Variants in TMEM132C observed in about 807,000 individuals in gnomAD.
The protein encoded by TMEM132C is protein phosphatase 1, regulatory subunit 152.
TMEM132C carries 29 observed loss-of-function variants against 61.4 expected under a neutral mutation model. The observed-to-expected ratio is 0.47, with a 90% confidence interval of 0.35 to 0.64. TMEM132C has a LOEUF of 0.64. Among genes scored for constraint, TMEM132C ranks in the 30% least tolerant of loss-of-function variants. The pLI, the probability that TMEM132C is intolerant of heterozygous loss-of-function variation, is 0.00. For synonymous variants in TMEM132C, 656 were observed against 633.1 expected, an observed-to-expected ratio of 1.04 and a Z score of -0.54; for missense variants, 1,408 against 1,476.9, an observed-to-expected ratio of 0.95 and a Z score of 0.76.
intron 1 of TMEM132C, among the ~76,000 whole-genome samples, chr12:128,275,523 A>G (rs556900996): frequency 6.6e-6 from 1 of 152,250 alleles, no homozygotes; most frequent in East Asian, 1.9e-4. Flanking sequence ...TGAGTTATAT[A>G]ATATTTTATT....
intron 1 of TMEM132C, among the ~76,000 whole-genome samples, chr12:128,390,519 C>T (rs1874733512): frequency 6.6e-6 from 1 of 152,134 alleles, no homozygotes; most frequent in Admixed American, 6.5e-5. Flanking sequence ...TGGGGAGCAC[C>T]CAGTCACTCT....
intron 4 of TMEM132C, among the ~76,000 whole-genome samples, chr12:128,668,274 T>A (rs1433612034): frequency 6.6e-6 from 1 of 150,796 alleles, no homozygotes; most frequent in African/African-American, 2.4e-5. Flanking sequence ...AGAATAGGAA[T>A]GGTTGAAGAT....
At chr12:128,647,056 A>G (rs1276406087) in intron 4 of TMEM132C, among the ~76,000 whole-genome samples, 3 of 151,510 alleles carry the variant, frequency 2.0e-5, no homozygotes, top group Non-Finnish European at 4.4e-5. Flanking sequence ...ACTGGAGTGC[A>G]TCAGCGTTGG....
intron 5 of TMEM132C, among the ~76,000 whole-genome samples, chr12:128,683,761 G>A (rs1432479519): frequency 6.6e-6 from 1 of 152,168 alleles, no homozygotes; most frequent in Non-Finnish European, 1.5e-5. Flanking sequence ...GAGGTCAGGA[G>A]TTCGAGACCA....
chr12:128,318,618 C>T (rs1029237792), intron 1 of TMEM132C, among the ~76,000 whole-genome samples: 11 of 152,184 alleles, frequency 7.2e-5, no homozygotes, highest in East Asian at 5.8e-4. Flanking sequence ...CTGCTGAGAT[C>T]GCGTCTGTTG....
rs950091509 is a variant in TMEM132C at position 128,639,709 on chromosome 12, C to T, written c.1305+23374C>T. ...TGCGGTCTTCCAGTAGGCTGACCAA[C>T]CATCCCTGTTCACCTGAAACTGAGG... On this transcript the variant is annotated intron_variant, in intron 4 of 8. Coordinates refer to ENST00000435159, the MANE Select transcript of TMEM132C (RefSeq NM_001136103.3). Among the ~76,000 whole-genome samples, 7 of 152,142 alleles carry T rather than the reference C, an allele frequency of 4.6e-5. No homozygotes were observed. The South Asian group carries it at 6.2e-4, about 13-fold the overall frequency.
chr12:128,463,520 T>C (rs1565943525), intron 2 of TMEM132C, among the ~76,000 whole-genome samples: 1 of 152,130 alleles, frequency 6.6e-6, no homozygotes, highest in African/African-American at 2.4e-5. Flanking sequence ...GGTTTCGTCA[T>C]GTTGGCCAGG....
At chr12:128,537,867 C>T (rs181288914) in intron 2 of TMEM132C, among the ~76,000 whole-genome samples, 73 of 152,282 alleles carry the variant, frequency 4.8e-4, no homozygotes, top group Middle Eastern at 6.8e-3. Flanking sequence ...CAATGGACCA[C>T]AATTATGGTC....
intron 3 of TMEM132C, among the ~76,000 whole-genome samples, chr12:128,557,754 C>G (rs927892636): frequency 6.6e-6 from 1 of 152,214 alleles, no homozygotes; most frequent in Non-Finnish European, 1.5e-5. Flanking sequence ...TATTGAGGCT[C>G]CTTCTCATAT....
intron 4 of TMEM132C, among the ~76,000 whole-genome samples, chr12:128,621,821 A>G (rs1487584950): frequency 2.0e-5 from 3 of 152,162 alleles, no homozygotes; most frequent in Non-Finnish European, 4.4e-5. Flanking sequence ...GCCTTGGGGT[A>G]GAAACAGCTC....
chr12:128,442,696 AAC>A (rs1030871802), intron 2 of TMEM132C, among the ~76,000 whole-genome samples: 6 of 152,110 alleles, frequency 3.9e-5, no homozygotes, highest in Non-Finnish European at 7.4e-5. Flanking sequence ...GTATTTTTTG[AAC>A]ACTTTGAGAT....
chr12:128,337,778 A>G (rs1378088217), intron 1 of TMEM132C, among the ~76,000 whole-genome samples: 1 of 152,154 alleles, frequency 6.6e-6, no homozygotes, highest in African/African-American at 2.4e-5. Flanking sequence ...TCATATTTCA[A>G]ACACTCTCTG....
chr12:128,467,923 G>A (rs1457892214), intron 2 of TMEM132C, among the ~76,000 whole-genome samples: 1 of 152,198 alleles, frequency 6.6e-6, no homozygotes, highest in African/African-American at 2.4e-5. Context: ...ATAGTCCGGT[G>A]GAGGAGAGGG....
intron 1 of TMEM132C, among the ~76,000 whole-genome samples, chr12:128,268,970 G>T (rs1466845765): frequency 9.7e-6 from 1 of 102,794 alleles, no homozygotes; most frequent in African/African-American, 4.0e-5. Context: ...CGAGGGAAAG[G>T]GGGGGCAAGT....
At chr12:128,677,920 G>A (rs558865959) in intron 5 of TMEM132C, among the ~76,000 whole-genome samples, 23 of 152,322 alleles carry the variant, frequency 1.5e-4, no homozygotes, top group African/African-American at 4.3e-4. Flanking sequence ...CGTTAGCTCC[G>A]GCACATGGAG....
intron 5 of TMEM132C, among the ~76,000 whole-genome samples, chr12:128,678,187 G>A (rs1954609058): frequency 6.6e-6 from 1 of 152,184 alleles, no homozygotes; most frequent in South Asian, 2.1e-4. Flanking sequence ...AGGGGCTTTG[G>A]AAGAAACTCT....
At chr12:128,677,632 C>T (rs1255412129) in intron 5 of TMEM132C, among the ~76,000 whole-genome samples, 1 of 152,148 alleles carries the variant, frequency 6.6e-6, no homozygotes, top group African/African-American at 2.4e-5. Context: ...ACACAATACC[C>T]CACCCTGTGC....
intron 2 of TMEM132C, among the ~76,000 whole-genome samples, chr12:128,465,081 G>A (rs971343082): frequency 6.6e-6 from 1 of 152,116 alleles, no homozygotes; most frequent in African/African-American, 2.4e-5. Flanking sequence ...TCCTATGCTT[G>A]TTGGTCTATA....
intron 1 of TMEM132C, among the ~76,000 whole-genome samples, chr12:128,390,333 C>T (rs1030488507): frequency 9.9e-5 from 15 of 152,154 alleles, no homozygotes; most frequent in Non-Finnish European, 1.5e-4. Context: ...CTGGCAGCTC[C>T]GGAGGCAAAT....
Sources: allele counts gnomAD v4.1 joint callset (sites outside exome capture counted in the v4.1 genomes callset), GRCh38; gene constraint gnomAD v4.1.1; transcripts MANE v1.5; gene names NCBI Gene and HGNC (gene_info 2026-07-23, HGNC 2026-07-21).